MYOCD: variants seen among roughly 807,000 people sequenced by gnomAD.
MYOCD encodes the protein myocardin.
Under a neutral mutation model 96.1 loss-of-function variants are expected in MYOCD, and 32 were observed. The observed-to-expected ratio is 0.33, with a 90% confidence interval of 0.25 to 0.45. The LOEUF (loss-of-function observed/expected upper bound fraction) is 0.45, where lower values mean the gene tolerates loss of function less well. Among genes scored for constraint, MYOCD ranks in the 20% least tolerant of loss-of-function variants. The probability of loss-of-function intolerance (pLI) is 1.00; values close to 1 mark genes in which losing one functional copy is unlikely to be tolerated. For synonymous variants in MYOCD, 469 were observed against 469.0 expected, an observed-to-expected ratio of 1.00 and a Z score of 0.00; for missense variants, 1,133 against 1,200.6, an observed-to-expected ratio of 0.94 and a Z score of 0.83.
chr17:12,715,644 T>C (rs1431569047), intron 3 of MYOCD, 70 bp downstream of exon 3: 33 of 1,228,870 alleles, frequency 2.7e-5, no homozygotes, highest in Non-Finnish European at 3.8e-5. Flanking sequence ...TAATCCTTGG[T>C]GGATGCGTGT....
At chr17:12,700,922 G>C (rs2031041091) in intron 1 of MYOCD, among the ~76,000 whole-genome samples, 1 of 151,810 alleles carries the variant, frequency 6.6e-6, no homozygotes, top group Non-Finnish European at 1.5e-5. Flanking sequence ...GTGTGTGGGG[G>C]GGTTATAATA....
At chr17:12,680,122 C>A (rs1910362128) in intron 1 of MYOCD, among the ~76,000 whole-genome samples, 1 of 152,196 alleles carries the variant, frequency 6.6e-6, no homozygotes, top group Non-Finnish European at 1.5e-5. Context: ...ATTCAAGAAC[C>A]ACAGCCCCAT....
chr17:12,706,408 C>G (rs768907437), intron 2 of MYOCD, among the ~76,000 whole-genome samples: 1 of 152,170 alleles, frequency 6.6e-6, no homozygotes, highest in African/African-American at 2.4e-5. Context: ...CAAAGGTCTG[C>G]GGATGTCAGA....
intron 8 of MYOCD, among the ~76,000 whole-genome samples, chr17:12,745,004 A>G (rs961966739): frequency 6.6e-6 from 1 of 152,164 alleles, no homozygotes; most frequent in Non-Finnish European, 1.5e-5. Context: ...CTTTGGGGAA[A>G]AGGAAAGTAT....
intron 1 of MYOCD, among the ~76,000 whole-genome samples, chr17:12,692,363 C>T (rs1234572094): frequency 6.6e-6 from 1 of 152,192 alleles, no homozygotes; most frequent in African/African-American, 2.4e-5. Flanking sequence ...GCATAAAGGT[C>T]TTTGATAACC....
intron 1 of MYOCD, among the ~76,000 whole-genome samples, chr17:12,674,676 C>T (rs1200563095): frequency 6.6e-6 from 1 of 152,078 alleles, no homozygotes; most frequent in African/African-American, 2.4e-5. Flanking sequence ...TAGATTTAAC[C>T]TCTGATAACA....
intron 1 of MYOCD, among the ~76,000 whole-genome samples, chr17:12,668,249 A>G (rs780303178): frequency 6.6e-6 from 1 of 151,920 alleles, no homozygotes; most frequent in African/African-American, 2.4e-5. Context: ...CTTCTCTTTC[A>G]TCATCTTCTT....
rs1191839345 is a variant in MYOCD, at chr17:12,748,075, T to A, written c.1125+2003T>A. ...TACTCGGGAGGCTGAGGCGGGAGAA[T>A]CGCTTGAACCCGGGAGGTGGAGGTT... On this transcript the variant is annotated intron_variant, in intron 9 of 13. Transcript: ENST00000425538. Among the ~76,000 whole-genome samples the A allele has an allele frequency of 2.7e-5, 4 of 146,608 alleles. No homozygotes were observed. In the Admixed American group the frequency reaches 2.8e-4, roughly 10 times the overall value.
At chr17:12,711,589 T>C (rs934398250) in intron 2 of MYOCD, among the ~76,000 whole-genome samples, 8 of 152,222 alleles carry the variant, frequency 5.3e-5, no homozygotes, top group African/African-American at 1.4e-4. Flanking sequence ...CAACCGTAAC[T>C]AAACCAAGTT....
At chr17:12,750,479 A>G (rs1330064998) in intron 9 of MYOCD, among the ~76,000 whole-genome samples, 1 of 152,166 alleles carries the variant, frequency 6.6e-6, no homozygotes, top group Non-Finnish European at 1.5e-5. Flanking sequence ...ATCTAAGGTC[A>G]GGAGTTCCAG....
chr17:12,758,085 A>G lies in MYOCD; in HGVS notation c.2203A>G (p.Met735Val). 1.2e-6 allele frequency: 2 copies of G among 1,609,188 alleles called. No homozygotes were observed. The highest frequency in any genetic ancestry group is 1.7e-6 in the Non-Finnish European group (2 of 1,175,528). Reference sequence around the variant, plus strand: ...CTTTCTTCATATTTTACCCATGCAGATGGCTGGTTTACACTCTTCTGATAA... The same window carrying G: ...CTTTCTTCATATTTTACCCATGCAGGTGGCTGGTTTACACTCTTCTGATAA... The part of the protein sequence containing the change: ...CPKSPCVQQK[M>V]AGLHSSDKVG... Residue 735 changes from methionine (M) to valine (V), a missense_variant and splice_region_variant, in exon 12 of 14, where the codon ATG (methionine) becomes GTG (valine). Transcript: ENST00000425538.
chr17:12,733,039 G>A (rs375984008), intron 5 of MYOCD, among the ~76,000 whole-genome samples: 1 of 152,190 alleles, frequency 6.6e-6, no homozygotes, highest in Non-Finnish European at 1.5e-5. Flanking sequence ...GGCTGGGCGC[G>A]GTGGCTCACG....
At chr17:12,677,485 G>A (rs1217428732) in intron 1 of MYOCD, among the ~76,000 whole-genome samples, 1 of 152,058 alleles carries the variant, frequency 6.6e-6, no homozygotes, top group Admixed American at 6.5e-5. Context: ...GGCCAAGATG[G>A]GCGGATCACG....
At chr17:12,747,988 C>T (rs574549089) in intron 9 of MYOCD, among the ~76,000 whole-genome samples, 115 of 150,570 alleles carry the variant, frequency 7.6e-4, no homozygotes, top group African/African-American at 2.5e-3. Flanking sequence ...CACGGTGAAA[C>T]CCCATCTCTA....
rs993121941 is a variant in MYOCD at position 12,765,941 on chromosome 17, A to T, written c.*2297A>T. 3.9e-5 allele frequency: 6 copies of T among 152,180 alleles called. No individual in the cohort carries two copies. The highest frequency in any genetic ancestry group is 2.0e-4 in the Admixed American group (3 of 15,276). The allele number at this position is 152,180 out of a possible 1,614,324, so 9.4% of individuals were successfully genotyped here. On this transcript the variant is annotated 3_prime_UTR_variant, in exon 14 of 14. Coordinates refer to ENST00000425538, the MANE Select transcript of MYOCD (RefSeq NM_001146312.3). ...GTGCTTTAAAAGATCCACATGGTAA[A>T]TTTTTTATTTTGCTTTTATGTCAGT...
chr17:12,739,755 C>G (rs2032452325), intron 7 of MYOCD, among the ~76,000 whole-genome samples: 1 of 152,144 alleles, frequency 6.6e-6, no homozygotes, highest in Non-Finnish European at 1.5e-5. Flanking sequence ...AGCCAGTCTT[C>G]CTATGGAAAT....
At chr17:12,675,831 C>A (rs1439640552) in intron 1 of MYOCD, among the ~76,000 whole-genome samples, 1 of 152,172 alleles carries the variant, frequency 6.6e-6, no homozygotes, top group Non-Finnish European at 1.5e-5. Flanking sequence ...TGCACTCCAG[C>A]CTGGGTGACA....
intron 8 of MYOCD, among the ~76,000 whole-genome samples, chr17:12,745,197 A>T (rs1391601064): frequency 6.6e-6 from 1 of 151,848 alleles, no homozygotes; most frequent in Non-Finnish European, 1.5e-5. Flanking sequence ...TTTTTTAAAT[A>T]TATTTATTTA....
chr17:12,759,056 A>C (rs2033095684), intron 12 of MYOCD, among the ~76,000 whole-genome samples: 1 of 152,138 alleles, frequency 6.6e-6, no homozygotes, highest in Non-Finnish European at 1.5e-5. Context: ...CTCAAAAAAA[A>C]AAGAAAAAGA....
Sources: gnomAD v4.1 joint callset for allele counts (sites outside exome capture counted in the v4.1 genomes callset) on GRCh38, gnomAD v4.1.1 for gene constraint, MANE v1.5 for transcripts, NCBI Gene and HGNC (gene_info 2026-07-23, HGNC 2026-07-21) for gene names.